Variants in ANKFN1 observed in about 807,000 individuals in gnomAD.
The protein encoded by ANKFN1 is ankyrin repeat and fibronectin type-III domain-containing protein 1.
A neutral mutation model predicts 108.7 loss-of-function variants in ANKFN1; 74 were observed. That is an observed-to-expected ratio of 0.68 (90% CI 0.56 to 0.83). The LOEUF is 0.83. Among genes scored for constraint, ANKFN1 ranks in the 40% least tolerant of loss-of-function variants. ANKFN1 has a pLI of 0.00. For synonymous variants in ANKFN1, 547 were observed against 516.2 expected, an observed-to-expected ratio of 1.06 and a Z score of -0.81; for missense variants, 1,505 against 1,382.3, an observed-to-expected ratio of 1.09 and a Z score of -1.41.
intron 4 of ANKFN1, among the ~76,000 whole-genome samples, chr17:56,140,787 G>A (rs1907873184): frequency 6.6e-6 from 1 of 152,142 alleles, no homozygotes; most frequent in Non-Finnish European, 1.5e-5. Context: ...CCCTAAGTAT[G>A]CCAAATTGGA....
At chr17:56,285,028 C>A (rs77094095) in intron 3 of ANKFN1, among the ~76,000 whole-genome samples, 1 of 152,114 alleles carries the variant, frequency 6.6e-6, no homozygotes, top group Non-Finnish European at 1.5e-5. Flanking sequence ...CTTCTGTGAC[C>A]TATAAATATT....
rs11656827 is a variant in ANKFN1, at chr17:56,273,105, G to A, written c.53+45148G>A. ...ACATGTTGCACATGGCTGACACTCC[G>A]AATCTCTCTAAAAAATACTTTGGTG... On this transcript the variant is annotated intron_variant, in intron 3 of 20. Coordinates refer to ENST00000682825, the MANE Select transcript of ANKFN1 (RefSeq NM_001370326.1). Among the ~76,000 whole-genome samples the A allele has an allele frequency of 9.1e-3, 1,387 of 152,210 alleles. 8 individuals carry two copies. The highest frequency in any genetic ancestry group is 0.015 in the Non-Finnish European group (1,041 of 68,016).
At chr17:56,433,614 G>A (rs570267508) in intron 8 of ANKFN1, among the ~76,000 whole-genome samples, 4 of 152,220 alleles carry the variant, frequency 2.6e-5, no homozygotes, top group African/African-American at 9.6e-5. Flanking sequence ...ACTCATAAGT[G>A]GAAGCTAAAG....
chr17:56,402,221 G>A (rs1277743078), intron 8 of ANKFN1, among the ~76,000 whole-genome samples: 1 of 152,124 alleles, frequency 6.6e-6, no homozygotes, highest in Non-Finnish European at 1.5e-5. Flanking sequence ...ATGAATTGGG[G>A]AGAGTTCCTT....
chr17:56,263,956 A>G (rs2043584514), intron 3 of ANKFN1, among the ~76,000 whole-genome samples: 1 of 152,164 alleles, frequency 6.6e-6, no homozygotes, highest in South Asian at 2.1e-4. Context: ...GTGACATTAC[A>G]TTTTGTTAAA....
intron 4 of ANKFN1, among the ~76,000 whole-genome samples, chr17:56,337,697 GA>G (rs1466362725): frequency 3.3e-5 from 5 of 152,106 alleles, no homozygotes; most frequent in African/African-American, 1.2e-4. Flanking sequence ...ACAGACACAT[GA>G]AAAAATGCTC....
chr17:56,142,767 T>G (rs1908000971), intron 4 of ANKFN1, among the ~76,000 whole-genome samples: 1 of 152,224 alleles, frequency 6.6e-6, no homozygotes, highest in Non-Finnish European at 1.5e-5. Context: ...ATACACCTTT[T>G]CCAGTTTGTG....
chr17:56,204,556 G>A (rs1914354583), intron 1 of ANKFN1, among the ~76,000 whole-genome samples: 1 of 151,694 alleles, frequency 6.6e-6, no homozygotes, highest in Admixed American at 6.6e-5. Context: ...GGCCAGGTTG[G>A]TCTCGAACTA....
chr17:56,149,415 A>C (rs1486197711), upstream of ANKFN1, among the ~76,000 whole-genome samples: 1 of 152,198 alleles, frequency 6.6e-6, no homozygotes, highest in African/African-American at 2.4e-5. Flanking sequence ...CTAAAGGAAA[A>C]GGAAGAGCTG....
chr17:56,236,890 A>G (rs914979021), intron 3 of ANKFN1, among the ~76,000 whole-genome samples: 5 of 152,170 alleles, frequency 3.3e-5, no homozygotes, highest in Admixed American at 6.5e-5. Flanking sequence ...CCCTTTAAGT[A>G]TGATGTTCTC....
chr17:56,058,877 T>C (rs574536411), intron 4 of ANKFN1, among the ~76,000 whole-genome samples: 2 of 152,336 alleles, frequency 1.3e-5, no homozygotes, highest in Admixed American at 1.3e-4. Flanking sequence ...CTATTGTAAA[T>C]AGTGCTGCAA....
In ANKFN1 at chr17:56,466,833, G is replaced by A. The variant is rs570513679; in HGVS notation, c.1773+262G>A. ...CCAGTAAGAAACATTGAGGCCAGGC[G>A]CAGTGGCTCATGCCTGTAATCCCAA... is the stretch of plus-strand genomic sequence containing the variant. On this transcript the variant is annotated intron_variant, in intron 15 of 20. Coordinates refer to ENST00000682825, the MANE Select transcript of ANKFN1 (RefSeq NM_001370326.1). 3.3e-5 allele frequency among the ~76,000 whole-genome samples: 5 copies of A among 152,172 alleles called. No individual in the cohort carries two copies. The East Asian group carries it at 5.8e-4, about 18-fold the overall frequency.
At chr17:56,314,958 A>G (rs557867038) in intron 3 of ANKFN1, among the ~76,000 whole-genome samples, 2 of 152,302 alleles carry the variant, frequency 1.3e-5, no homozygotes, top group South Asian at 4.1e-4. Flanking sequence ...GGTACCTGAT[A>G]CCCTCTCAGG....
intron 3 of ANKFN1, among the ~76,000 whole-genome samples, chr17:56,311,991 T>C (rs1341875527): frequency 6.6e-6 from 1 of 152,212 alleles, no homozygotes; most frequent in Non-Finnish European, 1.5e-5. Flanking sequence ...CGCGGTCTCC[T>C]CTTCAGGCCT....
intron 3 of ANKFN1, among the ~76,000 whole-genome samples, chr17:56,282,887 G>C (rs558530318): frequency 6.6e-6 from 1 of 152,256 alleles, no homozygotes; most frequent in East Asian, 1.9e-4. Flanking sequence ...TATAAGAAAT[G>C]TCATACTGGA....
At chr17:56,337,426 C>G (rs569774057) in intron 4 of ANKFN1, among the ~76,000 whole-genome samples, 127 of 151,978 alleles carry the variant, frequency 8.4e-4, no homozygotes, top group Non-Finnish European at 1.5e-3. Context: ...ATGACTAAAA[C>G]ACCAAAAGCA....
chr17:56,350,295 G>C (rs969596668), intron 4 of ANKFN1, among the ~76,000 whole-genome samples: 2 of 152,130 alleles, frequency 1.3e-5, no homozygotes, highest in African/African-American at 2.4e-5. Context: ...AAGGTAACTT[G>C]TGTCTGTCCA....
chr17:56,283,415 G>A (rs1001213543), intron 3 of ANKFN1, among the ~76,000 whole-genome samples: 1 of 151,804 alleles, frequency 6.6e-6, no homozygotes. Context: ...GTCATTATAC[G>A]AAAAAGATAA....
intron 8 of ANKFN1, among the ~76,000 whole-genome samples, chr17:56,391,933 A>G (rs1043388113): frequency 2.6e-5 from 4 of 152,190 alleles, no homozygotes; most frequent in Non-Finnish European, 5.9e-5. Flanking sequence ...ACTCATTAAC[A>G]ATTTAGTGAC....
Sources: gnomAD v4.1 joint callset for allele counts (sites outside exome capture counted in the v4.1 genomes callset) on GRCh38, gnomAD v4.1.1 for gene constraint, MANE v1.5 for transcripts, NCBI Gene and HGNC (gene_info 2026-07-23, HGNC 2026-07-21) for gene names.